NCOR2: variants seen among roughly 807,000 people sequenced by gnomAD.
NCOR2 encodes CTG repeat protein 26.
A neutral mutation model predicts 262.9 loss-of-function variants in NCOR2; 81 were observed. The ratio of observed to expected loss-of-function variants is 0.31; its 90% CI spans 0.26 to 0.37. The LOEUF (loss-of-function observed/expected upper bound fraction) is 0.37, where lower values mean the gene tolerates loss of function less well. Among genes scored for constraint, NCOR2 ranks in the 10% least tolerant of loss-of-function variants. The probability of loss-of-function intolerance (pLI) is 1.00; values close to 1 mark genes in which losing one functional copy is unlikely to be tolerated. For synonymous variants in NCOR2, 1,659 were observed against 1,559.3 expected (o/e 1.06, Z -1.51); for missense variants, 3,385 against 3,621.4 (o/e 0.93, Z 1.68).
At chr12:124,509,257 CTG>C (rs1281895556) in intron 1 of NCOR2, among the ~76,000 whole-genome samples, 2 of 140,158 alleles carry the variant, frequency 1.4e-5, no homozygotes, top group African/African-American at 2.9e-5. Flanking sequence ...GGGCTTAACT[CTG>C]AACTCTCAAG....
intron 7 of NCOR2, among the ~76,000 whole-genome samples, chr12:124,442,577 A>G (rs1026846945): frequency 7.9e-5 from 12 of 152,340 alleles, no homozygotes; most frequent in Admixed American, 2.0e-4. Context: ...ACTTCAAAAT[A>G]AATAGTTCCA....
chr12:124,325,440 G>A, exon 47 of NCOR2: 1 of 1,319,546 alleles, frequency 7.6e-7, no homozygotes, highest in Non-Finnish European at 9.8e-7. Flanking sequence ...TGCGAGCAGA[G>A]CAGTGGCTTG....
chr12:124,537,492 T>C (rs970148197), upstream of NCOR2, among the ~76,000 whole-genome samples: 2 of 152,218 alleles, frequency 1.3e-5, no homozygotes, highest in Admixed American at 1.3e-4. Context: ...CACCCTCTCC[T>C]AGCTGTGCAA....
At chr12:124,332,830 G>A (rs750290796) in intron 42 of NCOR2, among the ~76,000 whole-genome samples, 21 of 152,096 alleles carry the variant, frequency 1.4e-4, no homozygotes, top group Non-Finnish European at 2.5e-4. Flanking sequence ...CATCGCCCCC[G>A]GTCTGGCCCA....
rs567041294 is a variant in NCOR2, at chr12:124,520,029, G to A, written c.-118+15536C>T. ...TAAGACCAGATTTGCCTGTGACAGGGGCCCGTGGCCACTGGACTGGCAGGG... is the reference window on the plus strand; with the variant it reads ...TAAGACCAGATTTGCCTGTGACAGGAGCCCGTGGCCACTGGACTGGCAGGG... On this transcript the variant is annotated intron_variant, in intron 1 of 46. Transcript: ENST00000404621. Among the ~76,000 whole-genome samples the A allele has an allele frequency of 6.6e-5, 10 of 152,354 alleles. No homozygotes were observed. The South Asian group carries it at 1.9e-3, about 28-fold the overall frequency.
chr12:124,329,101 GAC>G (rs1333603097), intron 44 of NCOR2: 1 of 470,314 alleles, frequency 2.1e-6, no homozygotes, highest in African/African-American at 2.0e-5. Context: ...GGTGAAGTCT[GAC>G]ACAGGTTGAG....
chr12:124,495,065 A>G lies in NCOR2; in HGVS notation c.105+82T>C. The stretch of plus-strand genomic sequence containing the variant: ...GAGCCACATGAGCCTGGCTCCCAGG[A>G]GAAAGGAAGGGGTGAAGACTCAGTG... On this transcript the variant is annotated intron_variant, in intron 1 of 46. Transcript: ENST00000405201. This position sits in a 1 kb window ranked among gnomAD's most constrained non-coding sequence, Gnocchi z 4.4. The G allele has an allele frequency of 6.6e-7, 1 of 1,521,804 alleles. No homozygotes were observed. The highest frequency in any genetic ancestry group is 8.9e-7 in the Non-Finnish European group (1 of 1,125,268). The allele number at this position is 1,521,804 out of a possible 1,614,324, so 94.3% of individuals were successfully genotyped here.
At chr12:124,500,567 C>A (rs1381480563) in intron 1 of NCOR2, among the ~76,000 whole-genome samples, 1 of 152,226 alleles carries the variant, frequency 6.6e-6, no homozygotes, top group Non-Finnish European at 1.5e-5. Flanking sequence ...TAGGTGCACA[C>A]TGAATGACTC....
intron 20 of NCOR2, among the ~76,000 whole-genome samples, chr12:124,368,934 T>C (rs1027663363): frequency 4.6e-5 from 7 of 152,390 alleles, no homozygotes; most frequent in Non-Finnish European, 7.3e-5. Flanking sequence ...GTGAAATTGC[T>C]GTTATGATCT....
At chr12:124,359,915 T>C (rs1362263640) in intron 22 of NCOR2, among the ~76,000 whole-genome samples, 1 of 152,204 alleles carries the variant, frequency 6.6e-6, no homozygotes, top group Non-Finnish European at 1.5e-5. Flanking sequence ...GGAGCTGAGC[T>C]GCAAGCCAGG....
At chr12:124,505,800 T>C (rs1320449085) in intron 1 of NCOR2, among the ~76,000 whole-genome samples, 1 of 152,092 alleles carries the variant, frequency 6.6e-6, no homozygotes, top group African/African-American at 2.4e-5. Flanking sequence ...GCGATGATGT[T>C]AACCAAGCCA....
At chr12:124,420,081 G>T in intron 12 of NCOR2, 26 bp from the exon 15 acceptor site, 5 of 1,589,768 alleles carry the variant, frequency 3.1e-6, no homozygotes, top group South Asian at 2.2e-5. Flanking sequence ...AGAGGACGCT[G>T]AGCAGGGTAC....
chr12:124,402,573 C>G lies in NCOR2; in HGVS notation c.1483-12G>C. On this transcript the variant is annotated splice_polypyrimidine_tract_variant and intron_variant, in intron 13 of 46. Coordinates refer to ENST00000405201, the Ensembl canonical transcript of NCOR2. ...TGTTGTTGCTGCTGCTGTCAGACCC[C>G]GGGGGAGGGCAGAGGGGAGTGGGGA... is the stretch of plus-strand genomic sequence containing the variant. The G allele has an allele frequency of 1.3e-6, 2 of 1,552,322 alleles. No homozygotes were observed. Among genetic ancestry groups the G allele is most frequent in the Non-Finnish European group, 1.7e-6 (2 of 1,148,792 alleles).
At position 124,531,225 on chromosome 12, in the gene NCOR2, AAAATGATAAT is replaced by A. The variant is rs2050754567; in HGVS notation, c.-118+4330_-118+4339del. Among the ~76,000 whole-genome samples the A allele has an allele frequency of 7.2e-5, 11 of 152,212 alleles. No individual in the cohort carries two copies. The highest frequency in any genetic ancestry group is 7.2e-4 in the Admixed American group (11 of 15,294). The stretch of plus-strand genomic sequence containing the variant: ...GCCAGAGCCCACCCGTTTATGAAAG[AAAATGATAAT>A]AATAATAGAAGGACAGGGAGGGGGC... On this transcript the variant is annotated intron_variant, in intron 1 of 46. Transcript: ENST00000404621. The surrounding 1 kb of genome is among the most constrained non-coding windows in gnomAD (Gnocchi z 4.5).
chr12:124,438,753 A>T (rs890186596), intron 7 of NCOR2, among the ~76,000 whole-genome samples: 1 of 146,818 alleles, frequency 6.8e-6, no homozygotes, highest in Admixed American at 6.8e-5. Context: ...CCAGAGAGAG[A>T]GAGAGAGACA....
chr12:124,528,523 T>C (rs1428308050), intron 1 of NCOR2, among the ~76,000 whole-genome samples: 1 of 152,188 alleles, frequency 6.6e-6, no homozygotes, highest in Non-Finnish European at 1.5e-5. Context: ...GGTGTGGTTT[T>C]GCCCAAGACA....
intron 2 of NCOR2, among the ~76,000 whole-genome samples, chr12:124,484,611 C>T (rs1432151401): frequency 6.6e-6 from 1 of 152,248 alleles, no homozygotes; most frequent in South Asian, 2.1e-4. Context: ...CACTGCACTC[C>T]TGCCCCAGGG....
chr12:124,433,885 C>CAA (rs1323503399), intron 8 of NCOR2, among the ~76,000 whole-genome samples: 2,657 of 111,420 alleles, frequency 0.024, 174 homozygotes, highest in Middle Eastern at 0.043. Context: ...CACACACACA[C>CAA]ACACACACAC....
rs1390803809 is a variant in NCOR2, at chr12:124,389,211, C to T, written c.1877-3324G>A. Among the ~76,000 whole-genome samples the T allele has an allele frequency of 6.6e-6, 1 of 152,252 alleles. No individual in the cohort carries two copies. ...GCAATGCCGGCCAGAGCCCACAGAC[C>T]CCCGGGCCGGGCAAAATCCAAGGAC... On this transcript the variant is annotated intron_variant, in intron 16 of 46. Transcript: ENST00000405201. The surrounding 1 kb of genome is among the most constrained non-coding windows in gnomAD (Gnocchi z 4.4).
Sources: gnomAD v4.1 joint callset for allele counts (sites outside exome capture counted in the v4.1 genomes callset) on GRCh38, gnomAD v4.1.1 for gene constraint, Gnocchi (gnomAD v3.1) non-coding constraint, MANE v1.5 for transcripts, NCBI Gene and HGNC (gene_info 2026-07-23, HGNC 2026-07-21) for gene names.